PIK3C3: variants seen among roughly 807,000 people sequenced by gnomAD.
PIK3C3 encodes PI3-kinase type 3.
In PIK3C3, 95 loss-of-function variants were observed where a neutral mutation model predicts 126.1. That is an observed-to-expected ratio of 0.75 (90% CI 0.64 to 0.89). The LOEUF is 0.89. PIK3C3 is among the 40% of genes least tolerant of loss of function. The pLI, the probability that PIK3C3 is intolerant of heterozygous loss-of-function variation, is 0.00. For missense variants in PIK3C3, 829 were observed against 1,063.2 expected (o/e 0.78, Z 3.06); for synonymous variants, 374 against 360.0 (o/e 1.04, Z -0.44).
intron 4 of PIK3C3, among the ~76,000 whole-genome samples, chr18:41,980,660 A>C (rs1313489219): frequency 6.6e-6 from 1 of 152,118 alleles, no homozygotes; most frequent in Non-Finnish European, 1.5e-5. Context: ...TGTAAATAAA[A>C]AAAAAACAAA....
At chr18:41,966,631 T>C (rs926444894) in intron 3 of PIK3C3, among the ~76,000 whole-genome samples, 1 of 152,204 alleles carries the variant, frequency 6.6e-6, no homozygotes, top group Non-Finnish European at 1.5e-5. Flanking sequence ...AAAACTATGC[T>C]ATTAAATTTT....
chr18:41,986,969 A>G (rs1253429669), intron 4 of PIK3C3, among the ~76,000 whole-genome samples: 1 of 152,042 alleles, frequency 6.6e-6, no homozygotes, highest in African/African-American at 2.4e-5. Context: ...TGCAAGAGAG[A>G]TGAAATTGGT....
At chr18:41,993,407 C>T (rs1981875919) in intron 7 of PIK3C3, 66 bp downstream of exon 7, 3 of 1,002,316 alleles carry the variant, frequency 3.0e-6, no homozygotes, top group Non-Finnish European at 4.7e-6. Context: ...TTAGCCACAT[C>T]ATGTACTTTC....
At chr18:42,004,611 G>T in intron 10 of PIK3C3, 70 bp downstream of exon 10, 1 of 1,205,280 alleles carries the variant, frequency 8.3e-7, no homozygotes, top group South Asian at 1.5e-5. Flanking sequence ...AACTATGTGT[G>T]TATGTGTGTG....
chr18:42,079,081 G>C (rs1258907949), intron 24 of PIK3C3, among the ~76,000 whole-genome samples: 2 of 152,182 alleles, frequency 1.3e-5, no homozygotes, highest in East Asian at 3.9e-4. Context: ...TTAAAACTTG[G>C]CTCTTTGATG....
intron 4 of PIK3C3, among the ~76,000 whole-genome samples, chr18:41,971,799 T>C (rs969138616): frequency 2.6e-5 from 4 of 152,014 alleles, no homozygotes; most frequent in African/African-American, 9.7e-5. Flanking sequence ...AAATTGTCTT[T>C]TAAGAGTAGC....
intron 24 of PIK3C3, among the ~76,000 whole-genome samples, chr18:42,071,899 G>T (rs999344860): frequency 4.6e-5 from 7 of 152,086 alleles, no homozygotes; most frequent in Admixed American, 2.6e-4. Context: ...CAAAATAAGG[G>T]TTACCTATGG....
At chr18:41,965,911 A>G (rs1035130256) in intron 3 of PIK3C3, among the ~76,000 whole-genome samples, 1 of 152,158 alleles carries the variant, frequency 6.6e-6, no homozygotes, top group African/African-American at 2.4e-5. Context: ...GTGAGTGGTT[A>G]CTTAAATTTG....
rs1789017988 is a variant in PIK3C3 at position 42,082,684 on chromosome 18, T to C, written c.*1547T>C. On this transcript the variant is annotated 3_prime_UTR_variant, in exon 25 of 25. Coordinates refer to ENST00000262039, the MANE Select transcript of PIK3C3 (RefSeq NM_002647.4). Reference sequence around the variant, plus strand: ...TTACCCTTGTTGAAACTGACCTTTCTTCCGTGTGAACTCCTACACTTGCAT... The same window carrying C: ...TTACCCTTGTTGAAACTGACCTTTCCTCCGTGTGAACTCCTACACTTGCAT... 6.6e-6 allele frequency: 1 copy of C among 152,166 alleles called. No individual in the cohort carries two copies. The highest frequency in any genetic ancestry group is 6.6e-5 in the Admixed American group (1 of 15,262). 9.4% of individuals were successfully genotyped at this position (152,166 alleles called of 1,614,324 possible).
intron 2 of PIK3C3, among the ~76,000 whole-genome samples, chr18:41,958,725 A>G (rs1188562132): frequency 6.6e-6 from 1 of 152,146 alleles, no homozygotes; most frequent in Non-Finnish European, 1.5e-5. Context: ...ATATGTATAT[A>G]GATATGTGTG....
intron 7 of PIK3C3, among the ~76,000 whole-genome samples, chr18:41,994,242 G>C (rs1176613207): frequency 1.3e-5 from 2 of 152,058 alleles, no homozygotes; most frequent in Non-Finnish European, 2.9e-5. Flanking sequence ...TTGCGGATCT[G>C]GTAGGAACAT....
At chr18:42,064,933 C>T (rs1457440676) in intron 23 of PIK3C3, 103 bp downstream of exon 23, 4 of 648,194 alleles carry the variant, frequency 6.2e-6, no homozygotes, top group African/African-American at 1.8e-5. Context: ...TATCCCCTTC[C>T]TTGTTCCTGC....
intron 15 of PIK3C3, among the ~76,000 whole-genome samples, chr18:42,029,950 C>T (rs987531254): frequency 6.6e-6 from 1 of 151,866 alleles, no homozygotes; most frequent in East Asian, 1.9e-4. Flanking sequence ...TAAGTTAGGA[C>T]CTAATATTAT....
At chr18:42,043,990 A>T (rs944965735) in intron 20 of PIK3C3, among the ~76,000 whole-genome samples, 173 bp downstream of exon 20, 2 of 152,230 alleles carry the variant, frequency 1.3e-5, no homozygotes, top group Admixed American at 1.3e-4. Context: ...AATAGTATTA[A>T]CAAGGTGTAA....
At chr18:41,962,670 A>G in intron 3 of PIK3C3, 38 bp downstream of exon 3, 1 of 1,587,484 alleles carries the variant, frequency 6.3e-7, no homozygotes, top group South Asian at 1.1e-5. Flanking sequence ...GGAGTGTAGC[A>G]GCTTTCTGAC....
chr18:42,002,840 G>C (rs1327369723), intron 9 of PIK3C3, among the ~76,000 whole-genome samples: 1 of 152,174 alleles, frequency 6.6e-6, no homozygotes, highest in Non-Finnish European at 1.5e-5. Flanking sequence ...TGAGAATCAG[G>C]CTGAAGACAA....
intron 20 of PIK3C3, among the ~76,000 whole-genome samples, chr18:42,046,553 T>TA (rs1567999050): frequency 6.6e-6 from 1 of 152,108 alleles, no homozygotes; most frequent in African/African-American, 2.4e-5. Flanking sequence ...TCACATGGAA[T>TA]AAAAAAACTA....
At chr18:42,018,023 G>A (rs1357197681) in intron 12 of PIK3C3, among the ~76,000 whole-genome samples, 1 of 150,976 alleles carries the variant, frequency 6.6e-6, no homozygotes. Flanking sequence ...CTTGTCATTG[G>A]CTAAATCCTT....
intron 24 of PIK3C3, among the ~76,000 whole-genome samples, chr18:42,070,082 G>T (rs1244066484): frequency 6.6e-6 from 1 of 152,164 alleles, no homozygotes; most frequent in African/African-American, 2.4e-5. Flanking sequence ...GGTGTTCTCT[G>T]CATGGACTAT....
Sources: gnomAD v4.1 joint callset for allele counts (sites outside exome capture counted in the v4.1 genomes callset) on GRCh38, gnomAD v4.1.1 for gene constraint, MANE v1.5 for transcripts, NCBI Gene and HGNC (gene_info 2026-07-23, HGNC 2026-07-21) for gene names.